GPC5: variants seen among roughly 807,000 people sequenced by gnomAD.
GPC5 encodes the protein glypican-5.
Under a neutral mutation model 53.9 loss-of-function variants are expected in GPC5, and 47 were observed. That is an observed-to-expected ratio of 0.87 (90% confidence interval 0.69 to 1.11). The LOEUF (loss-of-function observed/expected upper bound fraction) is 1.11. Ranked by LOEUF, GPC5 falls within the 50% of genes most tolerant of loss-of-function variation. GPC5 has a pLI of 0.00. For missense variants in GPC5, 748 were observed against 713.1 expected, an observed-to-expected ratio of 1.05 and a Z score of -0.56; for synonymous variants, 286 against 263.3, an observed-to-expected ratio of 1.09 and a Z score of -0.84.
At chr13:91,860,525 C>CTTTTTTTTT (rs553332919) in intron 5 of GPC5, among the ~76,000 whole-genome samples, 2 of 132,224 alleles carry the variant, frequency 1.5e-5, no homozygotes, top group African/African-American at 2.8e-5. Context: ...TTCTTTATTT[C>CTTTTTTTTT]TTTTTTTTTT....
chr13:91,894,270 GTTTT>G (rs2039418336), intron 5 of GPC5, among the ~76,000 whole-genome samples: 1 of 152,098 alleles, frequency 6.6e-6, no homozygotes, highest in African/African-American at 2.4e-5. Flanking sequence ...TTGTTTGTTT[GTTTT>G]TTAATCTTGG....
chr13:91,864,177 T>C (rs1484890385), intron 5 of GPC5, among the ~76,000 whole-genome samples: 2 of 152,160 alleles, frequency 1.3e-5, no homozygotes, highest in Non-Finnish European at 2.9e-5. Context: ...GTTTTGAAGA[T>C]TGAGGGAAAG....
intron 7 of GPC5, among the ~76,000 whole-genome samples, chr13:92,259,145 T>C (rs1047953062): frequency 3.3e-5 from 5 of 152,204 alleles, no homozygotes; most frequent in African/African-American, 1.2e-4. Flanking sequence ...AAGCTGAATT[T>C]AATTTGTTTC....
At chr13:92,003,999 A>G (rs1566388813) in intron 6 of GPC5, among the ~76,000 whole-genome samples, 1 of 152,226 alleles carries the variant, frequency 6.6e-6, no homozygotes, top group African/African-American at 2.4e-5. Context: ...TATGAAGTAT[A>G]TACCATGAAC....
In GPC5 at chr13:91,398,650, GGGCGGCGGAGGC is replaced by G. The variant is rs1399993387; in HGVS notation, c.-388_-377del. On this transcript the variant is annotated 5_prime_UTR_variant, in exon 1 of 8. Transcript: ENST00000377067. ...CAGGTTAGCTGCTGCGAGCCGAGCC[GGGCGGCGGAGGC>G]GGCGGCGGCGGCGGCAGTGGCGGCA... 1.3e-5 allele frequency: 2 copies of G among 153,656 alleles called. No individual in the cohort carries two copies. Among genetic ancestry groups the G allele is most frequent in the East Asian group, 1.8e-4 (1 of 5,550 alleles). 9.5% of individuals were successfully genotyped at this position (153,656 alleles called of 1,614,324 possible). A position where few individuals can be genotyped will look rare whatever the true frequency, so the allele number is the denominator to read the frequency against.
chr13:91,535,747 G>T (rs2138696780), intron 2 of GPC5, among the ~76,000 whole-genome samples: 1 of 152,224 alleles, frequency 6.6e-6, no homozygotes, highest in Admixed American at 6.5e-5. Context: ...TAGGGAGAGG[G>T]TAACAGGGAG....
rs1443460530 is a variant in GPC5 at position 92,623,969 on chromosome 13, C to A, written c.1562-242313C>A. On this transcript the variant is annotated intron_variant, in intron 7 of 7. Coordinates refer to ENST00000377067, the MANE Select transcript of GPC5 (RefSeq NM_004466.6). The stretch of plus-strand genomic sequence containing the variant: ...TCCCGGGTTCAAGCGATTCTCCTGT[C>A]TTAGCCTCCCAAGTAGCTGGCATTA... Among the ~76,000 whole-genome samples, 29 of 151,974 alleles carry A rather than the reference C, an allele frequency of 1.9e-4. 2 individuals are homozygous for A. Among genetic ancestry groups the A allele is most frequent in the Admixed American group, 1.8e-3 (28 of 15,252 alleles).
At chr13:92,244,205 G>A (rs1314263068) in intron 7 of GPC5, among the ~76,000 whole-genome samples, 1 of 152,176 alleles carries the variant, frequency 6.6e-6, no homozygotes, top group Non-Finnish European at 1.5e-5. Context: ...CTTAAAGGTT[G>A]TTAAAAGAAA....
At chr13:92,688,109 T>C (rs9523766) in intron 7 of GPC5, among the ~76,000 whole-genome samples, 14,559 of 64,684 alleles carry the variant, frequency 0.23, 2,651 homozygotes, top group Admixed American at 0.26. Context: ...TCCCTCTTTT[T>C]CTATTGATTG....
intron 6 of GPC5, among the ~76,000 whole-genome samples, chr13:92,141,651 C>A (rs1411502752): frequency 4.6e-5 from 7 of 152,112 alleles, no homozygotes; most frequent in Admixed American, 4.6e-4. Context: ...CATGTAGCAG[C>A]TCAAGACAAC....
intron 6 of GPC5, among the ~76,000 whole-genome samples, chr13:91,956,488 C>T (rs2040074937): frequency 6.6e-6 from 1 of 152,154 alleles, no homozygotes; most frequent in South Asian, 2.1e-4. Flanking sequence ...TGGCCCACAG[C>T]TGTCACTGTA....
intron 7 of GPC5, among the ~76,000 whole-genome samples, chr13:92,864,497 C>T (rs538851338): frequency 6.6e-6 from 1 of 152,064 alleles, no homozygotes; most frequent in South Asian, 2.1e-4. Flanking sequence ...CATCCAAACA[C>T]AAATTCACAA....
At chr13:92,001,563 A>C (rs1338541011) in intron 6 of GPC5, among the ~76,000 whole-genome samples, 3 of 152,176 alleles carry the variant, frequency 2.0e-5, no homozygotes, top group Non-Finnish European at 2.9e-5. Context: ...TTAGTACTGG[A>C]ATGCTGAGGG....
At chr13:91,505,120 G>A (rs1025724403) in intron 2 of GPC5, among the ~76,000 whole-genome samples, 5 of 152,072 alleles carry the variant, frequency 3.3e-5, no homozygotes, top group South Asian at 2.1e-4. Flanking sequence ...TTTAAGGCGC[G>A]TATTTTTTTT....
At chr13:92,433,227 A>G (rs544298228) in intron 7 of GPC5, among the ~76,000 whole-genome samples, 1 of 152,244 alleles carries the variant, frequency 6.6e-6, no homozygotes, top group East Asian at 1.9e-4. Context: ...TGAAGCACAG[A>G]TGAAGATCAG....
chr13:91,937,040 C>T (rs1037083641), intron 6 of GPC5, among the ~76,000 whole-genome samples: 2 of 152,032 alleles, frequency 1.3e-5, no homozygotes, highest in African/African-American at 4.8e-5. Flanking sequence ...TGCATTCTGG[C>T]TTATTTGTTG....
rs114090977 is a variant in GPC5 at position 92,105,438 on chromosome 13, G to A, written c.1402-39392G>A. On this transcript the variant is annotated intron_variant, in intron 6 of 7. Transcript: ENST00000377067. The stretch of plus-strand genomic sequence containing the variant: ...TTCACACTTTCATTTGATATTTACC[G>A]AATATTTTCAGGACTAGTTCATGTG... 6.6e-3 allele frequency among the ~76,000 whole-genome samples: 1,000 copies of A among 152,060 alleles called. 18 individuals are homozygous for A. The highest frequency in any genetic ancestry group is 0.023 in the African/African-American group (943 of 41,522).
intron 2 of GPC5, among the ~76,000 whole-genome samples, chr13:91,598,598 A>T (rs968296937): frequency 6.6e-6 from 1 of 152,008 alleles, no homozygotes; most frequent in Non-Finnish European, 1.5e-5. Flanking sequence ...GATATGTTGT[A>T]TTTAATTGTT....
At chr13:92,064,742 G>A (rs1244503969) in intron 6 of GPC5, among the ~76,000 whole-genome samples, 1 of 29,412 alleles carries the variant, frequency 3.4e-5, no homozygotes, top group Non-Finnish European at 1.0e-4. Flanking sequence ...GGGCGACAGA[G>A]CGAGACTCCG....
Sources: allele counts gnomAD v4.1 joint callset (sites outside exome capture counted in the v4.1 genomes callset), GRCh38; gene constraint gnomAD v4.1.1; transcripts MANE v1.5; gene names NCBI Gene and HGNC (gene_info 2026-07-23, HGNC 2026-07-21).